The following PBX1 variants were observed in gnomAD, a reference collection of about 807,000 sequenced individuals.
PBX1 encodes the protein PBX homeobox 1.
Under a neutral mutation model 53.4 loss-of-function variants are expected in PBX1, and 6 were observed. The observed-to-expected ratio is 0.11, with a 90% CI of 0.06 to 0.22. PBX1 has a LOEUF of 0.22. PBX1 is among the 10% of genes least tolerant of loss of function. The pLI, the probability that PBX1 is intolerant of heterozygous loss-of-function variation, is 1.00. For synonymous variants in PBX1, 204 were observed against 212.3 expected, an observed-to-expected ratio of 0.96 and a Z score of 0.34; for missense variants, 251 against 551.4, an observed-to-expected ratio of 0.46 and a Z score of 5.46.
intron 8 of PBX1, among the ~76,000 whole-genome samples, chr1:164,822,305 A>G (rs1670200352): frequency 1.3e-5 from 2 of 152,110 alleles, no homozygotes; most frequent in African/African-American, 4.8e-5. Flanking sequence ...CGGTGACAGC[A>G]AGCTGGGACA....
intron 2 of PBX1, among the ~76,000 whole-genome samples, chr1:164,733,116 G>A (rs1665087555): frequency 6.6e-6 from 1 of 151,954 alleles, no homozygotes; most frequent in Non-Finnish European, 1.5e-5. Context: ...TCTCCCTATT[G>A]GGCATCTTTT....
chr1:164,652,931 G>A (rs984255611), intron 2 of PBX1, among the ~76,000 whole-genome samples: 22 of 150,652 alleles, frequency 1.5e-4, no homozygotes, highest in Non-Finnish European at 5.9e-5. Context: ...GGGCAGTGGT[G>A]CGACCTTGGC....
At chr1:164,637,103 G>A (rs1391172806) in intron 2 of PBX1, among the ~76,000 whole-genome samples, 2 of 152,028 alleles carry the variant, frequency 1.3e-5, no homozygotes, top group African/African-American at 2.4e-5. Context: ...CTCCAGCTGG[G>A]GCTGAGAAGA....
intron 2 of PBX1, among the ~76,000 whole-genome samples, chr1:164,713,967 C>G (rs1322854224): frequency 6.6e-6 from 1 of 152,162 alleles, no homozygotes; most frequent in African/African-American, 2.4e-5. Flanking sequence ...GATTTCACAG[C>G]TCACGTGTTG....
intron 8 of PBX1, among the ~76,000 whole-genome samples, chr1:164,844,566 G>A (rs574653766): frequency 4.7e-4 from 71 of 152,218 alleles, no homozygotes; most frequent in African/African-American, 1.7e-3. Flanking sequence ...CATGCTGTAT[G>A]TTTTGTTTTT....
chr1:164,678,993 G>A (rs926558674), intron 2 of PBX1, among the ~76,000 whole-genome samples: 2 of 152,194 alleles, frequency 1.3e-5, no homozygotes, highest in African/African-American at 4.8e-5. Flanking sequence ...CACATAGGCA[G>A]AGGGAGAAAA....
chr1:164,657,238 C>T (rs1660221164), intron 2 of PBX1: 1 of 152,134 alleles, frequency 6.6e-6, no homozygotes, highest in Non-Finnish European at 1.5e-5. Context: ...TAGGGCAGTT[C>T]CACCTGTTCT....
Position 164,850,565 on chromosome 1 carries a change from T to A in PBX1, c.*3889T>A, listed in dbSNP as rs939701372. ...ATGATCTTGCTGTTTTTCTTCAATATGTATACAAGGTGATGTGAAAAGATG... is the reference window on the plus strand; with the variant it reads ...ATGATCTTGCTGTTTTTCTTCAATAAGTATACAAGGTGATGTGAAAAGATG... On this transcript the variant is annotated 3_prime_UTR_variant, in exon 9 of 9. Transcript: ENST00000420696. 3 of 192,352 alleles carry A rather than the reference T, an allele frequency of 1.6e-5. No individual in the cohort carries two copies. In the Admixed American group the frequency reaches 1.8e-4, roughly 12 times the overall value. 11.9% of individuals were successfully genotyped at this position (192,352 alleles called of 1,614,324 possible). A position where few individuals can be genotyped will look rare whatever the true frequency, so the allele number is the denominator to read the frequency against.
At chr1:164,624,629 TA>T (rs1196434079) in intron 2 of PBX1, among the ~76,000 whole-genome samples, 2 of 152,226 alleles carry the variant, frequency 1.3e-5, no homozygotes, top group African/African-American at 4.8e-5. Flanking sequence ...CACATGCAGA[TA>T]AATATACCTA....
chr1:164,669,736 C>G (rs1390444676), intron 2 of PBX1, among the ~76,000 whole-genome samples: 3 of 152,198 alleles, frequency 2.0e-5, no homozygotes, highest in Non-Finnish European at 2.9e-5. Flanking sequence ...TCACAGCCTT[C>G]TAATATTTCC....
At chr1:164,669,412 C>G (rs1274776632) in intron 2 of PBX1, among the ~76,000 whole-genome samples, 2 of 152,146 alleles carry the variant, frequency 1.3e-5, no homozygotes, top group Non-Finnish European at 2.9e-5. Context: ...TAAGGGGCGC[C>G]CTCTCCCAAA....
chr1:164,589,412 CTT>C (rs1236269587), intron 2 of PBX1, among the ~76,000 whole-genome samples: 3 of 152,076 alleles, frequency 2.0e-5, no homozygotes, highest in Non-Finnish European at 4.4e-5. Context: ...CCTGTGGTGT[CTT>C]TTCCTGAAAC....
chr1:164,658,405 C>A (rs1177513492), intron 2 of PBX1, among the ~76,000 whole-genome samples: 3 of 152,104 alleles, frequency 2.0e-5, no homozygotes, highest in Non-Finnish European at 2.9e-5. Context: ...TCAGTTCTTG[C>A]CTTTCCAAGA....
intron 2 of PBX1, among the ~76,000 whole-genome samples, chr1:164,786,942 A>G (rs1174051732): frequency 6.6e-6 from 1 of 152,126 alleles, no homozygotes; most frequent in East Asian, 1.9e-4. Context: ...ACATTACTTC[A>G]TGTTTTGTAA....
At chr1:164,750,534 A>G (rs145153060) in intron 2 of PBX1, among the ~76,000 whole-genome samples, 32 of 152,296 alleles carry the variant, frequency 2.1e-4, no homozygotes, top group African/African-American at 6.7e-4. Context: ...TAGGCAAGCT[A>G]TTCCTATTGA....
At chr1:164,668,409 A>G (rs1001159253) in intron 2 of PBX1, among the ~76,000 whole-genome samples, 3 of 151,970 alleles carry the variant, frequency 2.0e-5, no homozygotes, top group African/African-American at 7.3e-5. Context: ...AAATTCTCTC[A>G]CCTCTCACAC....
rs1262921364 is a variant in PBX1, at chr1:164,588,953, G to A, written c.265+25642G>A. Among the ~76,000 whole-genome samples, 4 of 152,138 alleles carry A rather than the reference G, an allele frequency of 2.6e-5. No individual in the cohort carries two copies. The East Asian group carries it at 7.7e-4, about 29-fold the overall frequency. ...TTTCTCTCTTTTTTGAGGCTCCAGC[G>A]GCGAGAACAGCAGCGGATTTCTCCT... is the stretch of plus-strand genomic sequence containing the variant. On this transcript the variant is annotated intron_variant, in intron 2 of 8. Transcript: ENST00000420696.
intron 8 of PBX1, among the ~76,000 whole-genome samples, chr1:164,825,499 A>G (rs761888259): frequency 1.3e-5 from 2 of 152,220 alleles, no homozygotes; most frequent in African/African-American, 4.8e-5. Flanking sequence ...TTAATGACCA[A>G]TAGCCACATC....
At chr1:164,689,046 G>T (rs1333794496) in intron 2 of PBX1, among the ~76,000 whole-genome samples, 1 of 152,238 alleles carries the variant, frequency 6.6e-6, no homozygotes, top group Non-Finnish European at 1.5e-5. Context: ...TTCCTCCAGG[G>T]CTCCTATCGA....
Sources: allele counts gnomAD v4.1 joint callset (sites outside exome capture counted in the v4.1 genomes callset), GRCh38; gene constraint gnomAD v4.1.1; transcripts MANE v1.5; gene names NCBI Gene and HGNC (gene_info 2026-07-23, HGNC 2026-07-21).